The following ZRANB3 variants were observed in gnomAD, a reference collection of about 807,000 sequenced individuals.
The protein encoded by ZRANB3 is zinc finger RANBP2-type containing 3.
In ZRANB3, 125 loss-of-function variants were observed where a neutral mutation model predicts 133.8. The observed-to-expected ratio is 0.93, with a 90% confidence interval of 0.81 to 1.08. ZRANB3 has a LOEUF of 1.08. Among genes scored for constraint, ZRANB3 ranks in the 50% least tolerant of loss-of-function variants. The pLI is 0.00. For missense variants in ZRANB3, 1,229 were observed against 1,275.5 expected, an observed-to-expected ratio of 0.96 and a Z score of 0.56; for synonymous variants, 387 against 432.7, an observed-to-expected ratio of 0.89 and a Z score of 1.31.
At chr2:135,397,438 AC>A (rs1003705229) in intron 2 of ZRANB3, among the ~76,000 whole-genome samples, 1 of 146,258 alleles carries the variant, frequency 6.8e-6, no homozygotes, top group Non-Finnish European at 1.5e-5. Flanking sequence ...AGAAAGCCAG[AC>A]CCTGACTCAA....
intron 6 of ZRANB3, among the ~76,000 whole-genome samples, chr2:135,323,623 G>A (rs6758362): frequency 2.6e-5 from 4 of 151,860 alleles, no homozygotes; most frequent in African/African-American, 7.3e-5. Flanking sequence ...TCATCCCATC[G>A]GTCAAAAGAG....
intron 19 of ZRANB3, among the ~76,000 whole-genome samples, chr2:135,206,850 G>C (rs116293174): frequency 0.027 from 4,126 of 152,080 alleles, 171 homozygotes; most frequent in African/African-American, 0.093. Context: ...GAAAAGAAAC[G>C]TTTGGAATTT....
chr2:135,285,111 C>T (rs1193285956), intron 8 of ZRANB3, among the ~76,000 whole-genome samples: 1 of 152,184 alleles, frequency 6.6e-6, no homozygotes, highest in Non-Finnish European at 1.5e-5. Flanking sequence ...TCCCAAAGTG[C>T]TGGGATTACA....
At chr2:135,398,588 G>A (rs1335000061) in intron 2 of ZRANB3, among the ~76,000 whole-genome samples, 2 of 139,780 alleles carry the variant, frequency 1.4e-5, no homozygotes, top group Non-Finnish European at 1.5e-5. Context: ...GCGCTATCTC[G>A]GCTCACTGCA....
chr2:135,517,687 G>C (rs573037638), intron 1 of ZRANB3, among the ~76,000 whole-genome samples: 3 of 152,204 alleles, frequency 2.0e-5, no homozygotes, highest in African/African-American at 4.8e-5. Context: ...CCTGTCTGAG[G>C]TGTCTGTTGA....
chr2:135,504,463 C>T lies in ZRANB3; in HGVS notation c.27G>A (p.Lys9=). 2 of 1,612,910 alleles carry T rather than the reference C, an allele frequency of 1.2e-6. No individual in the cohort carries two copies. Residue 9 remains lysine (K), a synonymous_variant, in exon 2 of 21, where the codon AAG becomes AAA. Coordinates refer to ENST00000264159, the MANE Select transcript of ZRANB3 (RefSeq NM_032143.4). MPRVHNIK[K]SLTPHISCVT... The stretch of plus-strand genomic sequence containing the variant: ...CACAAGAAATGTGAGGTGTAAGAGA[C>T]TTTTTTATGTTATGAACCCTAGGCA...
At chr2:135,522,492 C>G (rs1574251525) in intron 1 of ZRANB3, among the ~76,000 whole-genome samples, 2 of 152,236 alleles carry the variant, frequency 1.3e-5, no homozygotes, top group South Asian at 4.1e-4. Context: ...GCCACAGTTG[C>G]AAAGGCATAA....
chr2:135,474,125 AG>A (rs1691398379), intron 2 of ZRANB3, among the ~76,000 whole-genome samples: 1 of 152,090 alleles, frequency 6.6e-6, no homozygotes, highest in African/African-American at 2.4e-5. Context: ...TGGAAACCAG[AG>A]GTTGCAGTGA....
chr2:135,345,469 A>G, intron 6 of ZRANB3, 81 bp downstream of exon 6: 1 of 480,754 alleles, frequency 2.1e-6, no homozygotes, highest in Non-Finnish European at 3.2e-6. Context: ...ACTCTGTCTC[A>G]AAAAAAAAAA....
intron 2 of ZRANB3, among the ~76,000 whole-genome samples, chr2:135,443,231 G>A (rs1439200724): frequency 6.6e-6 from 1 of 152,086 alleles, no homozygotes; most frequent in Non-Finnish European, 1.5e-5. Context: ...ACAGGGACAT[G>A]GAAGAAGCTG....
intron 6 of ZRANB3, 140 bp from the exon 7 acceptor site, chr2:135,315,670 A>G (rs1341450412): frequency 1.5e-6 from 1 of 664,366 alleles, no homozygotes; most frequent in Non-Finnish European, 2.3e-6. Context: ...ATTAGTTTCA[A>G]AAAGCTCAGC....
chr2:135,323,324 A>C (rs1336470368), intron 6 of ZRANB3, among the ~76,000 whole-genome samples: 1 of 152,194 alleles, frequency 6.6e-6, no homozygotes, highest in African/African-American at 2.4e-5. Context: ...TTTATCATCC[A>C]AGAAGAATAT....
At chr2:135,301,481 T>C (rs548253916) in intron 8 of ZRANB3, among the ~76,000 whole-genome samples, 1 of 152,178 alleles carries the variant, frequency 6.6e-6, no homozygotes, top group East Asian at 1.9e-4. Context: ...CCACCACACC[T>C]AGCTATGTTT....
chr2:135,491,248 G>C (rs565381189), intron 2 of ZRANB3, among the ~76,000 whole-genome samples: 1 of 152,110 alleles, frequency 6.6e-6, no homozygotes, highest in Admixed American at 6.6e-5. Context: ...ATAAGTTATA[G>C]ATAATCACAA....
At chr2:135,502,525 A>C (rs943397822) in intron 2 of ZRANB3, among the ~76,000 whole-genome samples, 1 of 152,208 alleles carries the variant, frequency 6.6e-6, no homozygotes, top group South Asian at 2.1e-4. Flanking sequence ...TAGTTAACGA[A>C]TCTGAAGTAT....
intron 6 of ZRANB3, among the ~76,000 whole-genome samples, chr2:135,317,389 T>G (rs940007090): frequency 2.6e-5 from 4 of 152,040 alleles, no homozygotes; most frequent in Non-Finnish European, 5.9e-5. Context: ...TGGGAAGAAG[T>G]TGGTAGGTGG....
intron 3 of ZRANB3, among the ~76,000 whole-genome samples, chr2:135,384,457 C>G (rs1344152164): frequency 6.6e-6 from 1 of 152,162 alleles, no homozygotes; most frequent in African/African-American, 2.4e-5. Context: ...CTATTCCAAT[C>G]AATAGAAAAA....
intron 2 of ZRANB3, among the ~76,000 whole-genome samples, chr2:135,492,144 CAT>C: frequency 6.6e-6 from 1 of 152,148 alleles, no homozygotes; most frequent in South Asian, 2.1e-4. Flanking sequence ...CATATAATAA[CAT>C]ATTTTTAGGC....
At chr2:135,362,415 G>A (rs1685736581) in intron 3 of ZRANB3, among the ~76,000 whole-genome samples, 1 of 152,154 alleles carries the variant, frequency 6.6e-6, no homozygotes, top group African/African-American at 2.4e-5. Context: ...TTCTCTTGAA[G>A]GGAATGCACT....
Sources: allele counts gnomAD v4.1 joint callset (sites outside exome capture counted in the v4.1 genomes callset), GRCh38; gene constraint gnomAD v4.1.1; transcripts MANE v1.5; gene names NCBI Gene and HGNC (gene_info 2026-07-23, HGNC 2026-07-21).